Variants in PLCL1 observed in about 807,000 individuals in gnomAD.
PLCL1 encodes the protein phospholipase C like 1 (inactive).
Under a neutral mutation model 84.4 loss-of-function variants are expected in PLCL1, and 41 were observed. That is an observed-to-expected ratio of 0.49 (90% confidence interval 0.38 to 0.63). The LOEUF is 0.63. Among genes scored for constraint, PLCL1 ranks in the 30% least tolerant of loss-of-function variants. PLCL1 has a pLI of 0.00. For synonymous variants in PLCL1, 490 were observed against 488.3 expected (o/e 1.00, Z -0.05); for missense variants, 1,206 against 1,367.8 (o/e 0.88, Z 1.87).
chr2:197,996,989 C>T (rs983791513), intron 1 of PLCL1, among the ~76,000 whole-genome samples: 3 of 152,036 alleles, frequency 2.0e-5, no homozygotes, highest in South Asian at 2.1e-4. Context: ...GGTGAGGTGG[C>T]GGGAGAGGGA....
At chr2:197,903,501 T>G (rs2105738823) in intron 1 of PLCL1, among the ~76,000 whole-genome samples, 2 of 104,778 alleles carry the variant, frequency 1.9e-5, no homozygotes, top group South Asian at 7.0e-4. Flanking sequence ...TTTTTTTTTT[T>G]GAGACGGAGT....
At chr2:197,972,111 T>C (rs1349621357) in intron 1 of PLCL1, among the ~76,000 whole-genome samples, 6 of 152,242 alleles carry the variant, frequency 3.9e-5, no homozygotes, top group Admixed American at 2.6e-4. Flanking sequence ...GCATCTTATC[T>C]GAAAGTGAAC....
chr2:197,857,493 A>G (rs1162893840), intron 1 of PLCL1, among the ~76,000 whole-genome samples: 1 of 152,190 alleles, frequency 6.6e-6, no homozygotes, highest in Non-Finnish European at 1.5e-5. Flanking sequence ...CTGAGCTGCA[A>G]AACAAATAAT....
intron 5 of PLCL1, among the ~76,000 whole-genome samples, chr2:198,135,963 T>G (rs950686869): frequency 6.6e-6 from 1 of 152,144 alleles, no homozygotes; most frequent in Non-Finnish European, 1.5e-5. Flanking sequence ...GAGGGGAGGA[T>G]GATGCCTTTT....
Position 198,084,815 on chromosome 2 carries a change from G to C in PLCL1, c.1298G>C (p.Arg433Thr), listed in dbSNP as rs779093091. 2.5e-6 allele frequency: 4 copies of C among 1,614,058 alleles called. No homozygotes were observed. Among genetic ancestry groups the C allele is most frequent in the Non-Finnish European group, 3.4e-6 (4 of 1,179,964 alleles). ...CCAGCTGACATCAATGGGTACATTA[G>C]AGCTTTGAAAATGGGCTGTCGAAGC... is the stretch of plus-strand genomic sequence containing the variant. The part of the protein sequence containing the change: ...RGPADINGYI[R>T]ALKMGCRSVE... Residue 433 changes from arginine (R) to threonine (T), a missense_variant, in exon 2 of 6, where the codon AGA (arginine) becomes ACA (threonine). Transcript: ENST00000428675.
intron 1 of PLCL1, among the ~76,000 whole-genome samples, chr2:197,811,087 T>C (rs960864455): frequency 1.3e-5 from 2 of 152,236 alleles, no homozygotes; most frequent in African/African-American, 4.8e-5. Flanking sequence ...GGTTTATTTG[T>C]AGTTTTGTTG....
chr2:197,959,044 A>G (rs1237860763), intron 1 of PLCL1, among the ~76,000 whole-genome samples: 1 of 151,870 alleles, frequency 6.6e-6, no homozygotes, highest in Non-Finnish European at 1.5e-5. Context: ...ACCGAAATAT[A>G]CTCTAGAAAG....
At chr2:197,820,073 C>G (rs534230710) in intron 1 of PLCL1, among the ~76,000 whole-genome samples, 1 of 151,926 alleles carries the variant, frequency 6.6e-6, no homozygotes, top group Non-Finnish European at 1.5e-5. Flanking sequence ...GTAGTTAAAC[C>G]CTGGATTGTT....
At chr2:197,968,098 T>A (rs1559059392) in intron 1 of PLCL1, among the ~76,000 whole-genome samples, 1 of 152,244 alleles carries the variant, frequency 6.6e-6, no homozygotes, top group Non-Finnish European at 1.5e-5. Context: ...CATACAAGTC[T>A]AATTTACCTA....
At chr2:197,903,467 A>ATTT (rs1559040542) in intron 1 of PLCL1, among the ~76,000 whole-genome samples, 1 of 80,650 alleles carries the variant, frequency 1.2e-5, no homozygotes, top group African/African-American at 5.1e-5. Context: ...ACTCCATTTA[A>ATTT]ATTTTTTTTT....
chr2:197,981,468 C>T (rs982677401), intron 1 of PLCL1, among the ~76,000 whole-genome samples: 3 of 152,124 alleles, frequency 2.0e-5, no homozygotes, highest in Non-Finnish European at 4.4e-5. Context: ...TAAACAATTA[C>T]TTTTTAATTC....
intron 1 of PLCL1, among the ~76,000 whole-genome samples, chr2:197,854,147 A>G (rs189281161): frequency 6.4e-4 from 98 of 152,260 alleles, no homozygotes; most frequent in African/African-American, 2.2e-3. Flanking sequence ...TCAACACTGC[A>G]TCCTTGGCCC....
At chr2:197,853,964 G>C (rs920918303) in intron 1 of PLCL1, among the ~76,000 whole-genome samples, 1 of 152,182 alleles carries the variant, frequency 6.6e-6, no homozygotes, top group Non-Finnish European at 1.5e-5. Context: ...ATCTGGACCA[G>C]TTCCTCAGGG....
rs547127688 is a variant in PLCL1 at position 197,928,921 on chromosome 2, C to A, written c.240+123582C>A. ...AAAAATATACCACCATGTCAATAGTCATTGCCTTCTGTTTGGATTATATTG... is the reference window on the plus strand; with the variant it reads ...AAAAATATACCACCATGTCAATAGTAATTGCCTTCTGTTTGGATTATATTG... On this transcript the variant is annotated intron_variant, in intron 1 of 5. Transcript: ENST00000428675. Among the ~76,000 whole-genome samples the A allele has an allele frequency of 2.0e-5, 3 of 152,284 alleles. No homozygotes were observed. The South Asian group carries it at 6.2e-4, about 32-fold the overall frequency.
chr2:197,886,626 A>G (rs747767929), intron 1 of PLCL1, among the ~76,000 whole-genome samples: 6 of 152,114 alleles, frequency 3.9e-5, no homozygotes. Context: ...GAGTATGGAC[A>G]TATTAAAAAT....
intron 1 of PLCL1, among the ~76,000 whole-genome samples, chr2:197,812,618 T>C (rs148819369): frequency 4.0e-3 from 616 of 152,348 alleles, no homozygotes; most frequent in Non-Finnish European, 7.4e-3. Context: ...AGATGCTAAG[T>C]ATGTACTAAA....
chr2:197,968,330 A>G (rs967357529), intron 1 of PLCL1, among the ~76,000 whole-genome samples: 6 of 152,226 alleles, frequency 3.9e-5, no homozygotes, highest in African/African-American at 1.4e-4. Context: ...AGGCCAATCC[A>G]TCATTCCTAG....
intron 1 of PLCL1, among the ~76,000 whole-genome samples, chr2:197,897,206 TTCTTCTTCC>T (rs10649372): frequency 1.4e-5 from 1 of 71,778 alleles, no homozygotes; most frequent in Non-Finnish European, 2.8e-5. Context: ...TCCTTCTTCT[TTCTTCTTCC>T]TCTTCTTCCT....
At chr2:198,141,979 T>C (rs1275203976) in intron 5 of PLCL1, among the ~76,000 whole-genome samples, 2 of 152,180 alleles carry the variant, frequency 1.3e-5, no homozygotes, top group African/African-American at 4.8e-5. Context: ...TCATTTCCTT[T>C]ACACTTGATG....
Sources: gnomAD v4.1 joint callset for allele counts (sites outside exome capture counted in the v4.1 genomes callset) on GRCh38, gnomAD v4.1.1 for gene constraint, MANE v1.5 for transcripts, NCBI Gene and HGNC (gene_info 2026-07-23, HGNC 2026-07-21) for gene names.